The following CELF2 variants were observed in gnomAD, a reference collection of about 807,000 sequenced individuals.
The protein encoded by CELF2 is CUGBP Elav-like family member 2, also known as CUG triplet repeat RNA-binding protein 2.
CELF2 carries 8 observed loss-of-function variants against 62.6 expected under a neutral mutation model. The observed-to-expected ratio is 0.13, with a 90% CI of 0.07 to 0.23. CELF2 has a LOEUF of 0.23. Among genes scored for constraint, CELF2 ranks in the 10% least tolerant of loss-of-function variants. CELF2 has a pLI of 1.00. For synonymous variants in CELF2, 258 were observed against 250.0 expected (o/e 1.03, Z -0.30); for missense variants, 333 against 671.0 (o/e 0.50, Z 5.56).
Position 10,961,050 on chromosome 10 carries a change from G to C in CELF2, c.89+41051G>C, listed in dbSNP as rs553770554. Among the ~76,000 whole-genome samples the C allele has an allele frequency of 8.5e-5, 13 of 152,266 alleles. No homozygotes were observed. In the East Asian group the frequency reaches 2.5e-3, roughly 29 times the overall value. ...TTAGCACAGCCCCCAGCTGCCCAAT[G>C]CACTTTGAATTCCAATACGGACTTC... On this transcript the variant is annotated intron_variant, in intron 2 of 13. Transcript: ENST00000636488.
the CELF2 span, among the ~76,000 whole-genome samples, chr10:10,739,292 T>C: frequency 1.3e-5 from 2 of 152,202 alleles, no homozygotes; most frequent in Non-Finnish European, 2.9e-5. Flanking sequence ...TGACAATGAT[T>C]ATTTACATAA....
At chr10:10,793,335 G>T in the CELF2 span, among the ~76,000 whole-genome samples, 622 of 152,254 alleles carry the variant, frequency 4.1e-3, 2 homozygotes, top group Non-Finnish European at 6.6e-3. Context: ...TTGAAAGTTT[G>T]TCTCTATAGA....
chr10:10,730,344 A>G, the CELF2 span, among the ~76,000 whole-genome samples: 1 of 151,990 alleles, frequency 6.6e-6, no homozygotes, highest in African/African-American at 2.4e-5. Context: ...GGGCATGGTG[A>G]TGCATGCCTG....
rs1241831278 is a variant in CELF2 at position 11,098,696 on chromosome 10, G to A, written c.75-66790G>A. 2.0e-5 allele frequency among the ~76,000 whole-genome samples: 3 copies of A among 152,168 alleles called. No individual in the cohort carries two copies. The highest frequency in any genetic ancestry group is 2.0e-4 in the Admixed American group (3 of 15,280). On this transcript the variant is annotated intron_variant, in intron 1 of 12. Coordinates refer to ENST00000633077, the MANE Select transcript of CELF2 (RefSeq NM_001326342.2). This position sits in a 1 kb window ranked among gnomAD's most constrained non-coding sequence, Gnocchi z 4.0. ...CTGTTTTCTCTGTAGAAATAACAAA[G>A]GCCCTGGATACAGTAGAATGTCTGG... is the stretch of plus-strand genomic sequence containing the variant.
At chr10:10,783,629 A>T in the CELF2 span, among the ~76,000 whole-genome samples, 1 of 152,244 alleles carries the variant, frequency 6.6e-6, no homozygotes, top group Admixed American at 6.5e-5. Context: ...AATGCTCTGC[A>T]GTTGAAGTTC....
At chr10:10,795,934 T>A (rs1246239254), upstream of CELF2, among the ~76,000 whole-genome samples, 1 of 152,034 alleles carries the variant, frequency 6.6e-6, no homozygotes, top group Non-Finnish European at 1.5e-5. Flanking sequence ...CTCTTACCCA[T>A]CCCTATCCTG....
chr10:10,720,405 G>A, the CELF2 span, among the ~76,000 whole-genome samples: 7 of 152,074 alleles, frequency 4.6e-5, no homozygotes, highest in African/African-American at 1.7e-4. Context: ...TTGGGTGATC[G>A]CGTAAATGAT....
At chr10:11,150,934 A>G (rs539159141) in intron 1 of CELF2, among the ~76,000 whole-genome samples, 3 of 152,234 alleles carry the variant, frequency 2.0e-5, no homozygotes, top group Non-Finnish European at 4.4e-5. Flanking sequence ...TAGTATAAAA[A>G]TATCAACAAT....
At chr10:10,609,896 A>T in the CELF2 span, among the ~76,000 whole-genome samples, 3 of 152,192 alleles carry the variant, frequency 2.0e-5, no homozygotes, top group Admixed American at 6.5e-5. Flanking sequence ...AAACCCTCAA[A>T]GATGTTTTGC....
chr10:10,935,390 C>T (rs1010900782), intron 2 of CELF2: 3 of 152,102 alleles, frequency 2.0e-5, no homozygotes, highest in African/African-American at 7.2e-5. Flanking sequence ...TCAGTATGGC[C>T]TAAGTGTCCT....
At chr10:11,263,478 A>G (rs1314218587) in intron 5 of CELF2, among the ~76,000 whole-genome samples, 2 of 152,190 alleles carry the variant, frequency 1.3e-5, no homozygotes, top group African/African-American at 4.8e-5. Context: ...CATTTGGGTC[A>G]GTAGCCAAAT....
upstream of CELF2, among the ~76,000 whole-genome samples, chr10:10,794,397 C>G (rs1037622892): frequency 6.6e-6 from 1 of 151,926 alleles, no homozygotes; most frequent in Non-Finnish European, 1.5e-5. Context: ...GAATTTAAAC[C>G]AGGAAGTAAC....
At chr10:10,658,669 A>C in the CELF2 span, among the ~76,000 whole-genome samples, 1 of 152,210 alleles carries the variant, frequency 6.6e-6, no homozygotes, top group East Asian at 1.9e-4. Context: ...AGGCATCTTC[A>C]GGAAGTCAAA....
In CELF2 at chr10:10,995,215, C is replaced by T. The variant is rs1320048746; in HGVS notation, c.89+75216C>T. 2.0e-5 allele frequency among the ~76,000 whole-genome samples: 3 copies of T among 152,198 alleles called. No individual in the cohort carries two copies. Among genetic ancestry groups the T allele is most frequent in the Non-Finnish European group, 4.4e-5 (3 of 68,044 alleles). ...AACTTTAGATAACTAACACTGTAGTCCTTCAGAAAAAGAAACGTGTGGCTC... is the reference window on the plus strand; with the variant it reads ...AACTTTAGATAACTAACACTGTAGTTCTTCAGAAAAAGAAACGTGTGGCTC... On this transcript the variant is annotated intron_variant, in intron 2 of 13. Coordinates refer to the CELF2 transcript ENST00000636488. This position sits in a 1 kb window ranked among gnomAD's most constrained non-coding sequence, Gnocchi z 4.7.
chr10:11,261,709 T>G (rs995906308), intron 5 of CELF2, among the ~76,000 whole-genome samples: 1 of 152,230 alleles, frequency 6.6e-6, no homozygotes, highest in African/African-American at 2.4e-5. Flanking sequence ...ACTGAGATGC[T>G]TTCAAGCAAC....
chr10:10,520,533 G>A, the CELF2 span, among the ~76,000 whole-genome samples: 1 of 152,096 alleles, frequency 6.6e-6, no homozygotes, highest in Admixed American at 6.6e-5. Context: ...CAAAACCCAC[G>A]CTGAGCTTTG....
chr10:10,871,475 A>C (rs1311865133), intron 1 of CELF2, among the ~76,000 whole-genome samples: 3 of 152,188 alleles, frequency 2.0e-5, no homozygotes, highest in African/African-American at 7.2e-5. Context: ...CACCTCGTGG[A>C]AGCTACAACT....
the CELF2 span, among the ~76,000 whole-genome samples, chr10:10,743,182 A>G: frequency 1.3e-5 from 2 of 152,316 alleles, no homozygotes; most frequent in South Asian, 4.1e-4. Context: ...ATTTTTATCC[A>G]AAAGAAAGTC....
chr10:10,924,325 T>C (rs892059203), intron 2 of CELF2, among the ~76,000 whole-genome samples: 4 of 148,900 alleles, frequency 2.7e-5, no homozygotes, highest in Non-Finnish European at 5.9e-5. Flanking sequence ...TAAACACAGT[T>C]TATATCAACA....
Sources: allele counts gnomAD v4.1 joint callset (sites outside exome capture counted in the v4.1 genomes callset), GRCh38; gene constraint gnomAD v4.1.1; non-coding constraint Gnocchi (gnomAD v3.1); transcripts MANE v1.5; gene names NCBI Gene and HGNC (gene_info 2026-07-23, HGNC 2026-07-21).